Variants in ANPEP observed in about 807,000 individuals in gnomAD.
The protein encoded by ANPEP is aminopeptidase N.
Under a neutral mutation model 114.6 loss-of-function variants are expected in ANPEP, and 70 were observed. The ratio of observed to expected loss-of-function variants is 0.61; its 90% CI spans 0.50 to 0.75. ANPEP has a LOEUF of 0.75. Ranked by LOEUF, ANPEP falls within the 30% of genes least tolerant of loss-of-function variation. The pLI, the probability that ANPEP is intolerant of heterozygous loss-of-function variation, is 0.00. For missense variants in ANPEP, 1,184 were observed against 1,259.5 expected (o/e 0.94, Z 0.91); for synonymous variants, 548 against 522.3 (o/e 1.05, Z -0.67).
intron 20 of ANPEP, among the ~76,000 whole-genome samples, chr15:89,789,775 C>CTAAAAAAAAA (rs1968581082): frequency 1.0e-5 from 1 of 97,492 alleles, no homozygotes; most frequent in Non-Finnish European, 2.0e-5. Flanking sequence ...GACTCAGTCT[C>CTAAAAAAAAA]AAAAAAAAAA....
intron 6 of ANPEP, 65 bp downstream of exon 6, chr15:89,804,188 G>C (rs1242559047): frequency 6.2e-7 from 1 of 1,601,822 alleles, no homozygotes; most frequent in African/African-American, 1.3e-5. Flanking sequence ...GCAGAGCCTG[G>C]ACTTGCGCCG....
intron 19 of ANPEP, among the ~76,000 whole-genome samples, 170 bp downstream of exon 19, chr15:89,790,783 G>A (rs1012848358): frequency 1.3e-5 from 2 of 152,162 alleles, no homozygotes; most frequent in Non-Finnish European, 2.9e-5. Context: ...GAAAAGGGAC[G>A]GCCCATACCC....
At chr15:89,812,651 T>C (rs1596173791) in intron 1 of ANPEP, among the ~76,000 whole-genome samples, 1 of 150,646 alleles carries the variant, frequency 6.6e-6, no homozygotes, top group Non-Finnish European at 1.5e-5. Context: ...AAATGGGGGG[T>C]GATTATCCTG....
At chr15:89,801,271 G>A (rs1287525731) in intron 11 of ANPEP, 84 bp from the exon 12 acceptor site, 1 of 1,561,320 alleles carries the variant, frequency 6.4e-7, no homozygotes, top group Non-Finnish European at 8.8e-7. Flanking sequence ...CCCAGCTTCT[G>A]CCCAGCTCTG....
In ANPEP at chr15:89,797,752, G is replaced by T. The variant is rs768114540; in HGVS notation, c.2010-30C>A. Reference sequence around the variant, plus strand: ...GAATAAACAGAGGGGCCCAAGTAAAGCACCTCCACCCAGCCCAGCCACAGC... The same window carrying T: ...GAATAAACAGAGGGGCCCAAGTAAATCACCTCCACCCAGCCCAGCCACAGC... On this transcript the variant is annotated intron_variant, in intron 14 of 20. Transcript: ENST00000300060. The T allele has an allele frequency of 7.4e-6, 12 of 1,613,190 alleles. No homozygotes were observed. In the South Asian group the frequency reaches 1.3e-4, roughly 18 times the overall value.
intron 1 of ANPEP, among the ~76,000 whole-genome samples, chr15:89,813,991 T>TGGGGGGGGGGG (rs201152904): frequency 1.8e-5 from 2 of 111,750 alleles, no homozygotes; most frequent in Admixed American, 8.2e-5. Context: ...ACCGCACTGC[T>TGGGGGGGGGGG]GGGGGGGGGG....
In ANPEP at chr15:89,803,710, G is replaced by A. The variant is rs779974811; in HGVS notation, c.1374C>T (p.Pro458=). ...GGGCCGGCGTGTTGATCTCCGAGGC[G>A]GGTGTGGACAGCGGGTGGGAGGAGG... ...ALASSHPLST[P]ASEINTPAQI... is the part of the protein sequence containing the mutation. Residue 458 remains proline (P), a synonymous_variant, in exon 8 of 21, where the codon CCC becomes CCT. Transcript: ENST00000300060. This position sits in a 1 kb window ranked among gnomAD's most constrained non-coding sequence, Gnocchi z 4.2. The A allele has an allele frequency of 2.4e-5, 39 of 1,612,706 alleles. No individual in the cohort carries two copies. Among genetic ancestry groups the A allele is most frequent in the East Asian group, 2.0e-4 (9 of 44,838 alleles).
intron 20 of ANPEP, among the ~76,000 whole-genome samples, 169 bp downstream of exon 20, chr15:89,790,291 T>C (rs1392122007): frequency 1.3e-5 from 2 of 152,164 alleles, no homozygotes; most frequent in Admixed American, 6.5e-5. Flanking sequence ...TTTTTTAAAT[T>C]GAATTATCAA....
intron 16 of ANPEP, 48 bp downstream of exon 16, chr15:89,792,987 C>A (rs1968661632): frequency 1.3e-6 from 2 of 1,514,772 alleles, no homozygotes; most frequent in Non-Finnish European, 1.8e-6. Flanking sequence ...TTGCTCTTGA[C>A]TCCCCGGGGT....
intron 16 of ANPEP, among the ~76,000 whole-genome samples, chr15:89,792,780 T>G (rs1293923145): frequency 1.3e-5 from 2 of 152,070 alleles, no homozygotes; most frequent in Non-Finnish European, 2.9e-5. Context: ...CAGCCCCAGT[T>G]TCAACACCTA....
chr15:89,792,689 C>CT (rs1417478965), intron 16 of ANPEP, 127 bp from the exon 17 acceptor site: 35 of 787,558 alleles, frequency 4.4e-5, no homozygotes, highest in Admixed American at 1.3e-4. Flanking sequence ...CTGACCCCCG[C>CT]TGTATGTGCT....
At position 89,790,966 on chromosome 15, in the gene ANPEP, T is replaced by G; in HGVS notation, c.2656A>C (p.Lys886Gln). Residue 886 changes from lysine (K) to glutamine (Q), a missense_variant, in exon 19 of 21, where the codon AAG becomes CAG. Coordinates refer to ENST00000300060, the MANE Select transcript of ANPEP (RefSeq NM_001150.3). ...VWDFVQSNWKKLFNDYGGGSF... is the reference protein window; with the variant it reads ...VWDFVQSNWKQLFNDYGGGSF... The stretch of plus-strand genomic sequence containing the variant: ...CCACAGACTCACTCGTTAAAAAGCT[T>G]CTTCCAGTTGCTCTGGACAAAGTCC... 1 of 1,614,070 alleles carries G rather than the reference T, an allele frequency of 6.2e-7. No individual in the cohort carries two copies. The highest frequency in any genetic ancestry group is 1.7e-5 in the Admixed American group (1 of 59,982).
At chr15:89,811,868 G>A (rs1894822900) in intron 1 of ANPEP, among the ~76,000 whole-genome samples, 1 of 152,126 alleles carries the variant, frequency 6.6e-6, no homozygotes, top group Non-Finnish European at 1.5e-5. Flanking sequence ...TAGAAGCCGA[G>A]CTCTCAACCC....
chr15:89,808,377 T>C (rs1894761313), intron 1 of ANPEP, among the ~76,000 whole-genome samples: 1 of 152,186 alleles, frequency 6.6e-6, no homozygotes, highest in Non-Finnish European at 1.5e-5. Context: ...CTCAGCGTGG[T>C]TTTCCCTTTG....
chr15:89,792,039 T>C, intron 18 of ANPEP, 121 bp downstream of exon 18: 1 of 1,191,000 alleles, frequency 8.4e-7, no homozygotes, highest in Non-Finnish European at 1.2e-6. Flanking sequence ...TTGGAAATAC[T>C]GCCTCCACCT....
In ANPEP at chr15:89,804,426, T is replaced by C. The variant is rs757211189; in HGVS notation, c.1025-19A>G. 9.9e-6 allele frequency: 16 copies of C among 1,614,104 alleles called. No individual in the cohort carries two copies. In the East Asian group the frequency reaches 3.1e-4, roughly 31 times the overall value. On this transcript the variant is annotated intron_variant, in intron 5 of 20. Transcript: ENST00000300060. ...ATCTGGTCTGGGGAGGCGATGCCAT[T>C]GGCAGGATGAACTCCGGGAGTGGAG... is the stretch of plus-strand genomic sequence containing the variant.
At chr15:89,790,905 C>T (rs754006589) in intron 19 of ANPEP, 48 bp downstream of exon 19, 1 of 1,600,290 alleles carries the variant, frequency 6.2e-7, no homozygotes, top group South Asian at 1.1e-5. Context: ...CCCCCCGGGG[C>T]CCCAGCCTCG....
intron 2 of ANPEP, 145 bp from the exon 3 acceptor site, chr15:89,805,608 G>A (rs775440391): frequency 1.4e-4 from 167 of 1,229,030 alleles, no homozygotes; most frequent in Non-Finnish European, 1.7e-4. Flanking sequence ...CCGCCTCGCC[G>A]GGAGCCTCCG....
intron 4 of ANPEP, 64 bp from the exon 5 acceptor site, chr15:89,804,681 G>T: frequency 6.3e-7 from 1 of 1,583,838 alleles, no homozygotes; most frequent in Admixed American, 1.7e-5. Context: ...GGTGGGCTGG[G>T]TCCCAGGGCC....
Sources: gnomAD v4.1 joint callset for allele counts (sites outside exome capture counted in the v4.1 genomes callset) on GRCh38, gnomAD v4.1.1 for gene constraint, Gnocchi (gnomAD v3.1) non-coding constraint, MANE v1.5 for transcripts, NCBI Gene and HGNC (gene_info 2026-07-23, HGNC 2026-07-21) for gene names.